MUSK: variants seen among roughly 807,000 people sequenced by gnomAD.
MUSK encodes muscle, skeletal receptor tyrosine-protein kinase.
In MUSK, 55 loss-of-function variants were observed where a neutral mutation model predicts 88.7. The ratio of observed to expected loss-of-function variants is 0.62; its 90% CI spans 0.50 to 0.78. The LOEUF (loss-of-function observed/expected upper bound fraction) is 0.78. Among genes scored for constraint, MUSK ranks in the 30% least tolerant of loss-of-function variants. The pLI, the probability that MUSK is intolerant of heterozygous loss-of-function variation, is 0.00. For missense variants in MUSK, 1,015 were observed against 1,074.3 expected, an observed-to-expected ratio of 0.94 and a Z score of 0.77; for synonymous variants, 387 against 391.9, an observed-to-expected ratio of 0.99 and a Z score of 0.15.
At chr9:110,687,615 G>A (rs906720862) in intron 3 of MUSK, among the ~76,000 whole-genome samples, 3 of 152,104 alleles carry the variant, frequency 2.0e-5, no homozygotes, top group East Asian at 1.9e-4. Context: ...AATTACAGGC[G>A]TGAGCCACTG....
In MUSK at chr9:110,715,684, C is replaced by A. The variant is rs140737798; in HGVS notation, c.628+18218C>A. Among the ~76,000 whole-genome samples the A allele has an allele frequency of 9.3e-3, 1,382 of 147,928 alleles. 37 individuals are homozygous for A. The highest frequency in any genetic ancestry group is 0.032 in the South Asian group (149 of 4,656). Reference sequence around the variant, plus strand: ...TTCATAGTGCCATTTCATTAAATTGCAGCACTATTCACAATAGCAAAGACT... The same window carrying A: ...TTCATAGTGCCATTTCATTAAATTGAAGCACTATTCACAATAGCAAAGACT... On this transcript the variant is annotated intron_variant, in intron 5 of 14. Coordinates refer to ENST00000374448, the MANE Select transcript of MUSK (RefSeq NM_005592.4).
Position 110,767,872 on chromosome 9 carries a change from T to G in MUSK, c.973T>G (p.Cys325Gly). 1 of 1,613,818 alleles carries G rather than the reference T, an allele frequency of 6.2e-7. No homozygotes were observed. ...CTGCGCCCAGTACAGAGGGGAGGTG[T>G]GTAATGCAGTCCTGGCAAAAGATGC... The part of the protein sequence containing the change: ...GYCAQYRGEV[C>G]NAVLAKDALV... Residue 325 changes from cysteine (C) to glycine (G), a missense_variant, in exon 9 of 15, where the codon TGT becomes GGT. Cys to Gly is a radical substitution (Grantham distance 159, BLOSUM62 -3). Coordinates refer to ENST00000374448, the MANE Select transcript of MUSK (RefSeq NM_005592.4).
In MUSK at chr9:110,777,413, T is replaced by C. The variant is rs73655626; in HGVS notation, c.1384+758T>C. 6.1e-3 allele frequency among the ~76,000 whole-genome samples: 931 copies of C among 152,220 alleles called. 9 individuals carry two copies. The highest frequency in any genetic ancestry group is 0.022 in the African/African-American group (900 of 41,546). ...GGTGCCAGGACTTGATTTTACCAGC[T>C]TGCTTAAAGGACCAACACTTAAAAG... On this transcript the variant is annotated intron_variant, in intron 11 of 14. Coordinates refer to ENST00000374448, the MANE Select transcript of MUSK (RefSeq NM_005592.4).
In MUSK at chr9:110,719,534, A is replaced by T. The variant is rs146850133; in HGVS notation, c.629-14717A>T. On this transcript the variant is annotated intron_variant, in intron 5 of 14. Coordinates refer to ENST00000374448, the MANE Select transcript of MUSK (RefSeq NM_005592.4). ...GATAAAAACACTAGTTCAACAGGAA[A>T]ATATCACAATCCTAAATATATATAC... 2.9e-3 allele frequency among the ~76,000 whole-genome samples: 440 copies of T among 152,224 alleles called. 3 individuals carry two copies. The highest frequency in any genetic ancestry group is 0.01 in the African/African-American group (426 of 41,576).
Position 110,696,675 on chromosome 9 carries a change from A to C in MUSK, c.487-650A>C, listed in dbSNP as rs576670257. ...ACAGAAAAGACAGATGTAATATTTA[A>C]ACTCCAAAGAGTAATTTTAATATTA... is the stretch of plus-strand genomic sequence containing the variant. On this transcript the variant is annotated intron_variant, in intron 4 of 14. Coordinates refer to ENST00000374448, the MANE Select transcript of MUSK (RefSeq NM_005592.4). Among the ~76,000 whole-genome samples the C allele has an allele frequency of 3.9e-5, 6 of 152,276 alleles. 1 individual carries two copies. Among genetic ancestry groups the C allele is most frequent in the African/African-American group, 1.4e-4 (6 of 41,548 alleles).
Position 110,800,374 on chromosome 9 carries a change from T to G in MUSK, c.1996T>G (p.Phe666Val). 6.2e-7 allele frequency: 1 copy of G among 1,613,384 alleles called. No homozygotes were observed. The highest frequency in any genetic ancestry group is 8.5e-7 in the Non-Finnish European group (1 of 1,179,740). ...CATGGCCTATGGTGACCTCAATGAGTTCCTCCGCAGCATGTCCCCTCACAC... is the reference window on the plus strand; with the variant it reads ...CATGGCCTATGGTGACCTCAATGAGGTCCTCCGCAGCATGTCCCCTCACAC... ...EYMAYGDLNEFLRSMSPHTVC... is the reference protein window; with the variant it reads ...EYMAYGDLNEVLRSMSPHTVC... The change falls in exon 15 of 15, where the codon TTC becomes GTC. Residue 666 changes from phenylalanine (F) to valine (V), a missense_variant. Coordinates refer to ENST00000374448, the MANE Select transcript of MUSK (RefSeq NM_005592.4).
rs1427367229 is a variant in MUSK at position 110,748,056 on chromosome 9, CCTT to C, written c.913+260_913+262del. On this transcript the variant is annotated intron_variant, in intron 7 of 14. Coordinates refer to ENST00000374448, the MANE Select transcript of MUSK (RefSeq NM_005592.4). ...GCTTCCAGGAACTCACTTCTTCCTTCCTTCTTGTTTTTCTTATCTTTTTTCCTT... is the reference window on the plus strand; with the variant it reads ...GCTTCCAGGAACTCACTTCTTCCTTCCTTGTTTTTCTTATCTTTTTTCCTT... 4.8e-6 allele frequency: 3 copies of C among 625,696 alleles called. No individual in the cohort carries two copies. In the East Asian group the frequency reaches 9.6e-5, roughly 20 times the overall value. 38.8% of individuals were successfully genotyped at this position (625,696 alleles called of 1,614,324 possible).
intron 8 of MUSK, 73 bp downstream of exon 8, chr9:110,762,281 T>C: frequency 8.3e-7 from 1 of 1,205,732 alleles, no homozygotes; most frequent in African/African-American, 1.5e-5. Flanking sequence ...TGTTTTTGTC[T>C]GTGAGAGGGT....
At chr9:110,678,116 G>T (rs148299968) in intron 1 of MUSK, among the ~76,000 whole-genome samples, 18 of 151,964 alleles carry the variant, frequency 1.2e-4, no homozygotes, top group Admixed American at 5.2e-4. Flanking sequence ...TATAGCTTTT[G>T]TTTGTTTGTT....
At chr9:110,701,260 T>C (rs1042006139) in intron 5 of MUSK, among the ~76,000 whole-genome samples, 12 of 152,036 alleles carry the variant, frequency 7.9e-5, no homozygotes, top group African/African-American at 2.9e-4. Flanking sequence ...GGTTGCAGGG[T>C]TTTTCCCTCC....
intron 3 of MUSK, among the ~76,000 whole-genome samples, chr9:110,689,181 A>G (rs1165844608): frequency 6.9e-5 from 4 of 58,054 alleles, no homozygotes; most frequent in Non-Finnish European, 8.8e-5. Flanking sequence ...ATATATTTAT[A>G]TAAATATATC....
intron 7 of MUSK, among the ~76,000 whole-genome samples, chr9:110,749,359 T>C (rs2077219329): frequency 6.6e-6 from 1 of 152,050 alleles, no homozygotes; most frequent in South Asian, 2.1e-4. Flanking sequence ...AGAGGTATCA[T>C]TGGAGCAGAA....
At chr9:110,724,570 C>T (rs2076858278) in intron 5 of MUSK, among the ~76,000 whole-genome samples, 1 of 152,020 alleles carries the variant, frequency 6.6e-6, no homozygotes, top group East Asian at 1.9e-4. Flanking sequence ...AATCCCCCAT[C>T]TCATATAGTA....
chr9:110,798,424 T>C (rs2078044300), intron 14 of MUSK, among the ~76,000 whole-genome samples: 1 of 152,194 alleles, frequency 6.6e-6, no homozygotes, highest in African/African-American at 2.4e-5. Context: ...CATTGAATAT[T>C]ATAGACTCTT....
intron 1 of MUSK, among the ~76,000 whole-genome samples, chr9:110,670,778 A>T (rs1021416851): frequency 6.6e-6 from 1 of 152,162 alleles, no homozygotes; most frequent in African/African-American, 2.4e-5. Flanking sequence ...ATTGTACTGT[A>T]AAATCTAAAT....
At chr9:110,682,035 C>G (rs138390545) in intron 1 of MUSK, among the ~76,000 whole-genome samples, 2,804 of 152,172 alleles carry the variant, frequency 0.018, 34 homozygotes, top group Non-Finnish European at 0.028. Flanking sequence ...GCTTTGAGAT[C>G]TAATTCACAT....
In MUSK at chr9:110,805,163, A is replaced by G. The variant is rs778105204; in HGVS notation, c.*4175A>G. Among the ~76,000 whole-genome samples, 23 of 151,932 alleles carry G rather than the reference A, an allele frequency of 1.5e-4. No individual in the cohort carries two copies. The highest frequency in any genetic ancestry group is 2.9e-4 in the Non-Finnish European group (20 of 67,822). ...GATCATCCTGTTGCTAAATTTTGTA[A>G]GCATTTATCTTAAGTGATTTCTTTA... On this transcript the variant is annotated 3_prime_UTR_variant, in exon 15 of 15. Coordinates refer to ENST00000374448, the MANE Select transcript of MUSK (RefSeq NM_005592.4).
intron 7 of MUSK, among the ~76,000 whole-genome samples, chr9:110,755,953 C>CATATATATATACATATATATATATACAT (rs1272110710): frequency 2.8e-5 from 2 of 70,682 alleles, no homozygotes; most frequent in South Asian, 4.7e-4. Flanking sequence ...TATATATACA[C>CATATATATATACATATATATATATACAT]ATATATATAT....
In MUSK at chr9:110,800,235, G is replaced by C. The variant is rs974503601; in HGVS notation, c.1928-71G>C. 12 of 1,333,156 alleles carry C rather than the reference G, an allele frequency of 9.0e-6. No individual in the cohort carries two copies. In the Admixed American group the frequency reaches 2.6e-4, roughly 29 times the overall value. The allele number at this position is 1,333,156 out of a possible 1,614,324, so 82.6% of individuals were successfully genotyped here. A position where few individuals can be genotyped will look rare whatever the true frequency, so the allele number is the denominator to read the frequency against. On this transcript the variant is annotated intron_variant, in intron 14 of 14. Transcript: ENST00000374448. ...TTCATATGTTCTGACATGGTCGTTT[G>C]CTTTTGGAGTGCTCTTTCCATTGTT... is the stretch of plus-strand genomic sequence containing the variant.
Sources: gnomAD v4.1 joint callset for allele counts (sites outside exome capture counted in the v4.1 genomes callset) on GRCh38, gnomAD v4.1.1 for gene constraint, MANE v1.5 for transcripts, NCBI Gene and HGNC (gene_info 2026-07-23, HGNC 2026-07-21) for gene names.